WDFY2: variants seen among roughly 807,000 people sequenced by gnomAD.
WDFY2 encodes the protein WD repeat and FYVE domain-containing protein 2.
In WDFY2, 36 loss-of-function variants were observed where a neutral mutation model predicts 56.4. That is an observed-to-expected ratio of 0.64 (90% confidence interval 0.49 to 0.84). The LOEUF (loss-of-function observed/expected upper bound fraction) is 0.84. Ranked by LOEUF, WDFY2 falls within the 40% of genes least tolerant of loss-of-function variation. The pLI, the probability that WDFY2 is intolerant of heterozygous loss-of-function variation, is 0.00. For missense variants in WDFY2, 444 were observed against 512.2 expected (o/e 0.87, Z 1.29); for synonymous variants, 176 against 183.7 (o/e 0.96, Z 0.34).
chr13:51,751,216 G>A, intron 7 of WDFY2, 94 bp from the exon 8 acceptor site: 1 of 1,155,462 alleles, frequency 8.7e-7, no homozygotes, highest in Non-Finnish European at 1.2e-6. Context: ...GGCTCGGAGT[G>A]AGTGAGCACA....
intron 1 of WDFY2, chr13:51,591,315 G>A (rs1954039455): frequency 6.6e-6 from 1 of 152,198 alleles, no homozygotes; most frequent in Non-Finnish European, 1.5e-5. Context: ...GATGGCAGCG[G>A]TTATTTATTC....
chr13:51,702,413 T>C (rs1380477873), intron 3 of WDFY2, among the ~76,000 whole-genome samples: 1 of 152,114 alleles, frequency 6.6e-6, no homozygotes, highest in African/African-American at 2.4e-5. Flanking sequence ...AATAATGATA[T>C]GAATTTTTAA....
At chr13:51,685,365 C>CCCCA (rs1956043380) in intron 3 of WDFY2, among the ~76,000 whole-genome samples, 1 of 152,134 alleles carries the variant, frequency 6.6e-6, no homozygotes, top group African/African-American at 2.4e-5. Context: ...GGGGCACTGA[C>CCCCA]CCCACCTCCC....
chr13:51,605,848 T>C (rs1375510473), intron 1 of WDFY2, among the ~76,000 whole-genome samples: 1 of 152,200 alleles, frequency 6.6e-6, no homozygotes, highest in Non-Finnish European at 1.5e-5. Context: ...ACATGCCTTA[T>C]AGGAAATGGG....
intron 3 of WDFY2, among the ~76,000 whole-genome samples, chr13:51,701,111 A>G (rs1405818072): frequency 4.6e-5 from 7 of 152,264 alleles, no homozygotes; most frequent in East Asian, 3.8e-4. Context: ...TTTATTATAC[A>G]TTATTACAAC....
At chr13:51,713,337 G>A (rs780948972) in intron 4 of WDFY2, among the ~76,000 whole-genome samples, 5 of 152,072 alleles carry the variant, frequency 3.3e-5, no homozygotes, top group East Asian at 1.9e-4. Flanking sequence ...TTAAATTAGC[G>A]GTGTATGCCC....
At chr13:51,680,469 G>T (rs1269089332) in intron 3 of WDFY2, among the ~76,000 whole-genome samples, 1 of 152,088 alleles carries the variant, frequency 6.6e-6, no homozygotes, top group Non-Finnish European at 1.5e-5. Flanking sequence ...GTATGATCCT[G>T]TCTTAGTTAC....
intron 4 of WDFY2, among the ~76,000 whole-genome samples, chr13:51,716,431 G>A (rs375054529): frequency 2.2e-4 from 33 of 152,178 alleles, no homozygotes; most frequent in Middle Eastern, 6.8e-3. Flanking sequence ...GGTGGCTCAC[G>A]CCTGTAATCC....
intron 3 of WDFY2, among the ~76,000 whole-genome samples, chr13:51,699,442 C>T (rs913567508): frequency 2.6e-5 from 4 of 152,230 alleles, no homozygotes; most frequent in African/African-American, 9.6e-5. Flanking sequence ...GCTTTACCCT[C>T]ACTGCTGCCG....
At position 51,759,745 on chromosome 13, in the gene WDFY2, G is replaced by T; in HGVS notation, c.1179G>T (p.Trp393Cys). The T allele has an allele frequency of 6.2e-7, 1 of 1,613,806 alleles. No homozygotes were observed. The highest frequency in any genetic ancestry group is 2.2e-5 in the East Asian group (1 of 44,880). ...TCTTCTTTTTCTTTTTGCAGTTGTG[G>T]GATATGACCCCAGTCGTGTCTTGAT... is the stretch of plus-strand genomic sequence containing the variant. ...TSGTDKVIKL[W>C]DMTPVVS The change falls in exon 12 of 12, where the codon TGG (tryptophan) becomes TGT (cysteine). Residue 393 changes from tryptophan (W) to cysteine (C), a missense_variant. By Grantham distance (215) the Trp-to-Cys change is radical. Transcript: ENST00000298125.
intron 4 of WDFY2, 117 bp from the exon 5 acceptor site, chr13:51,719,081 T>C: frequency 7.1e-7 from 1 of 1,411,294 alleles, no homozygotes; most frequent in Non-Finnish European, 9.8e-7. Flanking sequence ...TTAAAATGGT[T>C]CTGCTGTTCA....
At chr13:51,738,414 A>G (rs1017226526) in intron 6 of WDFY2, among the ~76,000 whole-genome samples, 1 of 152,212 alleles carries the variant, frequency 6.6e-6, no homozygotes, top group Admixed American at 6.5e-5. Context: ...AATTCTCACC[A>G]CAACCGTATG....
chr13:51,709,489 G>T (rs1429897740), intron 4 of WDFY2, among the ~76,000 whole-genome samples: 1 of 151,866 alleles, frequency 6.6e-6, no homozygotes, highest in Non-Finnish European at 1.5e-5. Flanking sequence ...TTAAAAAATT[G>T]AAAAATTGAT....
chr13:51,750,394 T>C (rs886070121), intron 7 of WDFY2, among the ~76,000 whole-genome samples: 1 of 152,168 alleles, frequency 6.6e-6, no homozygotes, highest in Admixed American at 6.5e-5. Flanking sequence ...CACAGCTTAA[T>C]AGCTTTAGTT....
At chr13:51,644,780 G>C (rs1334911829) in intron 1 of WDFY2, among the ~76,000 whole-genome samples, 1 of 152,330 alleles carries the variant, frequency 6.6e-6, no homozygotes, top group Middle Eastern at 3.4e-3. Context: ...GGTCATTAAT[G>C]TGAGAACTGA....
chr13:51,727,453 TATTA>T (rs971668382), intron 5 of WDFY2, among the ~76,000 whole-genome samples: 6 of 152,204 alleles, frequency 3.9e-5, no homozygotes, highest in South Asian at 4.1e-4. Flanking sequence ...AGATTTATTT[TATTA>T]ATTTAGGAGC....
At chr13:51,635,790 A>T (rs192070260) in intron 1 of WDFY2, among the ~76,000 whole-genome samples, 1 of 152,324 alleles carries the variant, frequency 6.6e-6, no homozygotes, top group East Asian at 1.9e-4. Context: ...CAAATAAAAC[A>T]CAATGTGTCT....
intron 1 of WDFY2, among the ~76,000 whole-genome samples, chr13:51,633,934 C>T (rs1374192688): frequency 6.6e-6 from 1 of 152,178 alleles, no homozygotes; most frequent in African/African-American, 2.4e-5. Context: ...TGCAGTGCCA[C>T]ACTATTTTAG....
chr13:51,631,932 T>G (rs1196068833), intron 1 of WDFY2, among the ~76,000 whole-genome samples: 2 of 152,228 alleles, frequency 1.3e-5, no homozygotes, highest in Non-Finnish European at 2.9e-5. Flanking sequence ...TTTCAGTTGA[T>G]TATATATCCT....
Sources: allele counts gnomAD v4.1 joint callset (sites outside exome capture counted in the v4.1 genomes callset), GRCh38; gene constraint gnomAD v4.1.1; transcripts MANE v1.5; gene names NCBI Gene and HGNC (gene_info 2026-07-23, HGNC 2026-07-21).